Variants in FRMD4B observed in about 807,000 individuals in gnomAD.
The protein encoded by FRMD4B is FERM domain containing 4B.
In FRMD4B, 74 loss-of-function variants were observed where a neutral mutation model predicts 141.5. The ratio of observed to expected loss-of-function variants is 0.52; its 90% confidence interval spans 0.43 to 0.63. The LOEUF (loss-of-function observed/expected upper bound fraction) is 0.63, where lower values mean the gene tolerates loss of function less well. Ranked by LOEUF, FRMD4B falls within the 30% of genes least tolerant of loss-of-function variation. The pLI, the probability that FRMD4B is intolerant of heterozygous loss-of-function variation, is 0.00. For synonymous variants in FRMD4B, 506 were observed against 467.9 expected, an observed-to-expected ratio of 1.08 and a Z score of -1.05; for missense variants, 1,366 against 1,253.4, an observed-to-expected ratio of 1.09 and a Z score of -1.36.
intron 19 of FRMD4B, among the ~76,000 whole-genome samples, chr3:69,186,228 CT>C (rs1202005456): frequency 7.5e-4 from 100 of 132,920 alleles, no homozygotes; most frequent in African/African-American, 1.9e-3. Context: ...TTGAACATTT[CT>C]TTTTTTTTTC....
At chr3:69,268,577 C>T (rs2093579178) in intron 5 of FRMD4B, among the ~76,000 whole-genome samples, 1 of 151,836 alleles carries the variant, frequency 6.6e-6, no homozygotes, top group African/African-American at 2.4e-5. Flanking sequence ...CGTTCTGATG[C>T]AAAACTATTT....
At chr3:69,449,156 G>A (rs1262434529) in intron 1 of FRMD4B, among the ~76,000 whole-genome samples, 2 of 152,080 alleles carry the variant, frequency 1.3e-5, no homozygotes, top group Non-Finnish European at 2.9e-5. Flanking sequence ...ATCTATAAAT[G>A]CAACCAACTT....
At chr3:69,270,391 G>A (rs2093588505) in intron 5 of FRMD4B, among the ~76,000 whole-genome samples, 1 of 152,214 alleles carries the variant, frequency 6.6e-6, no homozygotes, top group Non-Finnish European at 1.5e-5. Flanking sequence ...TCTACTGTGT[G>A]TGAGAAAAAT....
intron 1 of FRMD4B, among the ~76,000 whole-genome samples, chr3:69,448,180 C>T (rs1265791339): frequency 1.3e-5 from 2 of 151,922 alleles, no homozygotes; most frequent in African/African-American, 4.8e-5. Context: ...CAGGCGTGTG[C>T]CACCACACCT....
intron 1 of FRMD4B, among the ~76,000 whole-genome samples, chr3:69,445,050 G>T (rs920879059): frequency 3.3e-5 from 5 of 152,100 alleles, no homozygotes; most frequent in Non-Finnish European, 1.5e-5. Context: ...AAAAAGTCTC[G>T]CAAAGCAAAA....
chr3:69,426,605 T>C (rs928609233), intron 2 of FRMD4B, among the ~76,000 whole-genome samples: 1 of 152,212 alleles, frequency 6.6e-6, no homozygotes, highest in African/African-American at 2.4e-5. Context: ...AACTGCATAG[T>C]TGCTTTTCTT....
chr3:69,210,557 A>T lies in FRMD4B; in HGVS notation c.876+5706T>A, dbSNP rs72932125. On this transcript the variant is annotated intron_variant, in intron 11 of 22. Coordinates refer to ENST00000398540, the MANE Select transcript of FRMD4B (RefSeq NM_015123.3). ...ATATTCATACACAAAGGGAGGATTA[A>T]AAAGTAAAGCTGCTTATTGTCTTAA... Among the ~76,000 whole-genome samples, 1,091 of 152,256 alleles carry T rather than the reference A, an allele frequency of 7.2e-3. 11 individuals carry two copies. The highest frequency in any genetic ancestry group is 0.025 in the African/African-American group (1,038 of 41,546).
At position 69,216,271 on chromosome 3, in the gene FRMD4B, G is replaced by A. The variant is rs1242819121; in HGVS notation, c.868C>T (p.Pro290Ser). Residue 290 changes from proline (P) to serine (S), a missense_variant, in exon 11 of 23, where the codon CCT becomes TCT. By Grantham distance (74) the Pro-to-Ser change is moderately conservative. Transcript: ENST00000398540. Reference protein sequence around the residue: ...GQYDIQDKVKPRKLFQWKQLE... With the variant: ...GQYDIQDKVKSRKLFQWKQLE... ...AAGTGATCCACACTTACCTTCCGAG[G>A]CTTCACCTTGTCTTGTATATCATAT... 2.0e-6 allele frequency: 3 copies of A among 1,529,390 alleles called. No individual in the cohort carries two copies. Among genetic ancestry groups the A allele is most frequent in the African/African-American group, 1.4e-5 (1 of 73,520 alleles). 94.7% of individuals were successfully genotyped at this position (1,529,390 alleles called of 1,614,324 possible).
chr3:69,177,863 C>T (rs936891853), intron 21 of FRMD4B, among the ~76,000 whole-genome samples: 7 of 152,082 alleles, frequency 4.6e-5, no homozygotes. Context: ...AAAGACAACA[C>T]TGGCCGCTAG....
chr3:69,284,006 A>C (rs1354611857), intron 5 of FRMD4B, among the ~76,000 whole-genome samples: 1 of 152,164 alleles, frequency 6.6e-6, no homozygotes, highest in Non-Finnish European at 1.5e-5. Context: ...AAAATATATA[A>C]AACAACAGTT....
intron 1 of FRMD4B, among the ~76,000 whole-genome samples, chr3:69,339,782 A>G (rs1702673317): frequency 6.6e-6 from 1 of 152,170 alleles, no homozygotes; most frequent in South Asian, 2.1e-4. Context: ...ACAATATTAA[A>G]TTGATGTGAA....
At chr3:69,197,846 A>G (rs187086543) in intron 12 of FRMD4B, 1 of 152,326 alleles carries the variant, frequency 6.6e-6, no homozygotes, top group East Asian at 1.9e-4. Context: ...CTGATTAAGA[A>G]TTTCTCTTAA....
chr3:69,531,192 G>C (rs1176333147), intron 1 of FRMD4B, among the ~76,000 whole-genome samples: 1 of 152,132 alleles, frequency 6.6e-6, no homozygotes, highest in Non-Finnish European at 1.5e-5. Context: ...TCCTGCCTGG[G>C]ATTTGCTAAT....
chr3:69,230,300 A>G (rs2093295286), intron 7 of FRMD4B, among the ~76,000 whole-genome samples: 1 of 152,116 alleles, frequency 6.6e-6, no homozygotes. Context: ...AAACTCCAAC[A>G]AGGTCTAGTT....
chr3:69,210,462 A>C (rs1575612488), intron 11 of FRMD4B, among the ~76,000 whole-genome samples: 1 of 151,964 alleles, frequency 6.6e-6, no homozygotes. Context: ...CTCTAAGTCC[A>C]AATGTCTTAC....
Position 69,478,168 on chromosome 3 carries a change from T to A in FRMD4B, c.-128-45407A>T, listed in dbSNP as rs190544638. On this transcript the variant is annotated intron_variant, in intron 1 of 5. Transcript: ENST00000459638. ...TTCAAAAAACCAGCTCCTGGATTTA[T>A]TGATTTTTTGAAGGGTTTTTTGTGT... is the stretch of plus-strand genomic sequence containing the variant. Among the ~76,000 whole-genome samples the A allele has an allele frequency of 4.5e-3, 690 of 152,304 alleles. 8 individuals are homozygous for A. Among genetic ancestry groups the A allele is most frequent in the African/African-American group, 0.016 (651 of 41,584 alleles).
chr3:69,418,027 G>C (rs1442596686), intron 2 of FRMD4B, among the ~76,000 whole-genome samples: 5 of 152,116 alleles, frequency 3.3e-5, no homozygotes, highest in Admixed American at 3.3e-4. Context: ...GGCCCATACA[G>C]ATAATCTAGA....
chr3:69,282,125 A>G (rs1239809902), intron 5 of FRMD4B, among the ~76,000 whole-genome samples: 1 of 152,158 alleles, frequency 6.6e-6, no homozygotes, highest in Admixed American at 6.5e-5. Flanking sequence ...AAATCTTATC[A>G]TAAGTCATAT....
intron 1 of FRMD4B, among the ~76,000 whole-genome samples, chr3:69,466,019 A>AGG: frequency 6.6e-6 from 1 of 152,092 alleles, no homozygotes; most frequent in African/African-American, 2.4e-5. Flanking sequence ...ACAGTGTAAA[A>AGG]GCCTTCCTAT....
Sources: allele counts gnomAD v4.1 joint callset (sites outside exome capture counted in the v4.1 genomes callset), GRCh38; gene constraint gnomAD v4.1.1; transcripts MANE v1.5; gene names NCBI Gene and HGNC (gene_info 2026-07-23, HGNC 2026-07-21).